The following ZNF362 variants were observed in gnomAD, a reference collection of about 807,000 sequenced individuals.
ZNF362 encodes rotund homolog.
A neutral mutation model predicts 42.9 loss-of-function variants in ZNF362; 11 were observed. The observed-to-expected ratio is 0.26, with a 90% CI of 0.16 to 0.42. ZNF362 has a LOEUF of 0.42. ZNF362 is among the 20% of genes least tolerant of loss of function. The pLI is 1.00. For missense variants in ZNF362, 362 were observed against 576.2 expected, an observed-to-expected ratio of 0.63 and a Z score of 3.81; for synonymous variants, 255 against 257.3, an observed-to-expected ratio of 0.99 and a Z score of 0.09.
the ZNF362 span, among the ~76,000 whole-genome samples, chr1:33,149,613 C>T: frequency 1.3e-5 from 2 of 151,810 alleles, no homozygotes; most frequent in Non-Finnish European, 2.9e-5. Flanking sequence ...CATCACTATG[C>T]GCAGCTAATT....
At chr1:33,152,146 G>C in the ZNF362 span, among the ~76,000 whole-genome samples, 1 of 152,258 alleles carries the variant, frequency 6.6e-6, no homozygotes, top group African/African-American at 2.4e-5. Flanking sequence ...GAGGCTCCAA[G>C]GAGACAACTC....
chr1:33,274,576 T>G (rs988880500), intron 2 of ZNF362, among the ~76,000 whole-genome samples: 11 of 152,168 alleles, frequency 7.2e-5, no homozygotes, highest in African/African-American at 2.4e-4. Context: ...GGGGGGCTGA[T>G]AGAGGGCAGG....
chr1:33,201,389 G>C, the ZNF362 span, among the ~76,000 whole-genome samples: 1 of 151,926 alleles, frequency 6.6e-6, no homozygotes, highest in Non-Finnish European at 1.5e-5. Context: ...CATATTCTGG[G>C]GCATGAAACA....
chr1:33,243,085 A>T, the ZNF362 span, among the ~76,000 whole-genome samples: 4 of 151,044 alleles, frequency 2.6e-5, no homozygotes, highest in African/African-American at 9.9e-5. Context: ...ATGCTTTTAT[A>T]TTACCAAATC....
chr1:33,205,436 G>A, the ZNF362 span, among the ~76,000 whole-genome samples: 1 of 151,988 alleles, frequency 6.6e-6, no homozygotes, highest in Non-Finnish European at 1.5e-5. Context: ...ACTGAGCTAT[G>A]ATTGCACAAC....
chr1:33,207,667 A>G, the ZNF362 span, among the ~76,000 whole-genome samples: 3 of 152,160 alleles, frequency 2.0e-5, no homozygotes, highest in East Asian at 5.8e-4. Context: ...ATGGTATCTC[A>G]TTGTGGTTTT....
At chr1:33,133,785 G>A in the ZNF362 span, among the ~76,000 whole-genome samples, 5 of 152,368 alleles carry the variant, frequency 3.3e-5, no homozygotes, top group Admixed American at 6.5e-5. Flanking sequence ...GAGGCATGGT[G>A]CAGAGAAAAA....
intron 4 of ZNF362, among the ~76,000 whole-genome samples, chr1:33,277,661 T>C (rs1002922241): frequency 9.9e-5 from 15 of 151,862 alleles, no homozygotes; most frequent in Admixed American, 2.6e-4. Flanking sequence ...AGATATGAGA[T>C]ACATTGTGGG....
chr1:33,182,253 C>T, the ZNF362 span, among the ~76,000 whole-genome samples: 2 of 152,154 alleles, frequency 1.3e-5, no homozygotes, highest in East Asian at 1.9e-4. Flanking sequence ...ATCCAGGTCT[C>T]GCTTAGGGTC....
chr1:33,158,389 G>T, the ZNF362 span: 2 of 1,606,820 alleles, frequency 1.2e-6, no homozygotes, highest in Non-Finnish European at 1.7e-6. Context: ...AGCAGGAAAG[G>T]GGGCTGCACC....
the ZNF362 span, among the ~76,000 whole-genome samples, chr1:33,228,705 C>T: frequency 1.3e-5 from 2 of 152,172 alleles, no homozygotes; most frequent in African/African-American, 4.8e-5. Flanking sequence ...ACTCTGGAAG[C>T]CATCACCATC....
chr1:33,178,819 A>G, the ZNF362 span, among the ~76,000 whole-genome samples: 2 of 152,244 alleles, frequency 1.3e-5, no homozygotes, highest in South Asian at 2.1e-4. Context: ...AAGCATTTCA[A>G]TAATATTTGT....
the ZNF362 span, chr1:33,146,192 GGTA>G: frequency 7.6e-6 from 2 of 261,444 alleles, no homozygotes; most frequent in Non-Finnish European, 1.5e-5. Context: ...CCAGGGGCCA[GGTA>G]GTAAATCCTT....
the ZNF362 span, among the ~76,000 whole-genome samples, chr1:33,169,733 A>G: frequency 6.6e-6 from 1 of 152,242 alleles, no homozygotes; most frequent in Non-Finnish European, 1.5e-5. Context: ...AATAAAATGG[A>G]AAATTCAGCT....
chr1:33,249,006 T>C, the ZNF362 span, among the ~76,000 whole-genome samples: 1 of 152,326 alleles, frequency 6.6e-6, no homozygotes, highest in African/African-American at 2.4e-5. Context: ...GGAAGAGATA[T>C]GTATTGAGCT....
At chr1:33,132,616 G>A in the ZNF362 span, among the ~76,000 whole-genome samples, 1 of 152,162 alleles carries the variant, frequency 6.6e-6, no homozygotes, top group Admixed American at 6.5e-5. Flanking sequence ...CCTTCTCTAT[G>A]CTCCCACAGA....
chr1:33,140,222 T>A, the ZNF362 span, among the ~76,000 whole-genome samples: 1 of 152,178 alleles, frequency 6.6e-6, no homozygotes, highest in African/African-American at 2.4e-5. The surrounding 1 kb of genome is among the most constrained non-coding windows in gnomAD (Gnocchi z 4.0). Flanking sequence ...ACGGTGGCGA[T>A]GAAGGAGCTG....
intron 2 of ZNF362, among the ~76,000 whole-genome samples, chr1:33,273,481 C>A (rs1166832030): frequency 6.6e-6 from 1 of 152,178 alleles, no homozygotes; most frequent in Non-Finnish European, 1.5e-5. Context: ...TGGCTCTGAA[C>A]TTGGCATTGA....
the ZNF362 span, among the ~76,000 whole-genome samples, chr1:33,220,090 T>C: frequency 6.6e-6 from 1 of 151,894 alleles, no homozygotes; most frequent in African/African-American, 2.4e-5. Flanking sequence ...GAGAGCGCAG[T>C]GGAGCAGAAG....
Sources: allele counts gnomAD v4.1 joint callset (sites outside exome capture counted in the v4.1 genomes callset), GRCh38; gene constraint gnomAD v4.1.1; non-coding constraint Gnocchi (gnomAD v3.1); transcripts MANE v1.5; gene names NCBI Gene and HGNC (gene_info 2026-07-23, HGNC 2026-07-21).